The following UGGT2 variants were observed in gnomAD, a reference collection of about 807,000 sequenced individuals.
UGGT2 encodes the protein UDP-glucose:glycoprotein glucosyltransferase 2.
UGGT2 carries 180 observed loss-of-function variants against 192.1 expected under a neutral mutation model. That is an observed-to-expected ratio of 0.94 (90% CI 0.83 to 1.06). UGGT2 has a LOEUF of 1.06. Ranked by LOEUF, UGGT2 falls within the 50% of genes least tolerant of loss-of-function variation. UGGT2 has a pLI of 0.00. For synonymous variants in UGGT2, 580 were observed against 591.0 expected (o/e 0.98, Z 0.27); for missense variants, 1,849 against 1,795.7 (o/e 1.03, Z -0.54).
intron 15 of UGGT2, among the ~76,000 whole-genome samples, chr13:95,945,582 C>A (rs2049838150): frequency 6.6e-6 from 1 of 151,998 alleles, no homozygotes; most frequent in Admixed American, 6.6e-5. Context: ...AACAGAGATT[C>A]AATATTGATA....
intron 1 of UGGT2, among the ~76,000 whole-genome samples, chr13:96,045,536 A>G (rs1594637959): frequency 6.6e-6 from 1 of 152,222 alleles, no homozygotes; most frequent in East Asian, 1.9e-4. Flanking sequence ...AGTAAAGAGG[A>G]AGTCAAACTG....
intron 34 of UGGT2, among the ~76,000 whole-genome samples, chr13:95,855,713 G>A (rs1251700090): frequency 6.6e-6 from 1 of 152,090 alleles, no homozygotes; most frequent in Non-Finnish European, 1.5e-5. Flanking sequence ...AAGAGATAGA[G>A]TGATGAGAAT....
intron 10 of UGGT2, chr13:95,983,525 A>G (rs1174499069): frequency 4.0e-6 from 2 of 503,656 alleles, no homozygotes; most frequent in Admixed American, 2.4e-5. Flanking sequence ...AAACAGAATA[A>G]TTAACTCACA....
At chr13:95,917,049 C>T (rs1257512606) in intron 20 of UGGT2, among the ~76,000 whole-genome samples, 1 of 151,920 alleles carries the variant, frequency 6.6e-6, no homozygotes, top group Non-Finnish European at 1.5e-5. Flanking sequence ...TGTGGAGAAC[C>T]CCAGTAAGAT....
intron 1 of UGGT2, among the ~76,000 whole-genome samples, chr13:96,042,927 C>T (rs866354905): frequency 2.5e-4 from 38 of 152,046 alleles, no homozygotes; most frequent in African/African-American, 9.2e-4. Context: ...TCTAAAAGTT[C>T]GGAAAACATA....
chr13:95,900,467 G>A (rs535753265), intron 22 of UGGT2, among the ~76,000 whole-genome samples: 1 of 152,226 alleles, frequency 6.6e-6, no homozygotes, highest in East Asian at 1.9e-4. Context: ...TAACCTACTT[G>A]CTACACCTAC....
At chr13:95,862,223 A>G (rs1472675627) in intron 31 of UGGT2, among the ~76,000 whole-genome samples, 2 of 152,208 alleles carry the variant, frequency 1.3e-5, no homozygotes, top group Non-Finnish European at 2.9e-5. Context: ...ATAGAAAAAG[A>G]GGCTTAAACT....
At chr13:95,866,636 T>C (rs1890684376) in intron 30 of UGGT2, among the ~76,000 whole-genome samples, 3 of 152,186 alleles carry the variant, frequency 2.0e-5, no homozygotes, top group Admixed American at 2.0e-4. Context: ...AGCTAGTTTA[T>C]TGTAGAGGGT....
chr13:95,955,344 A>C (rs2050182017), intron 12 of UGGT2, among the ~76,000 whole-genome samples: 1 of 152,174 alleles, frequency 6.6e-6, no homozygotes, highest in African/African-American at 2.4e-5. Flanking sequence ...GTTTCCAGAA[A>C]AGTTGCAATA....
intron 2 of UGGT2, among the ~76,000 whole-genome samples, chr13:96,026,829 G>A (rs371956092): frequency 3.3e-5 from 5 of 151,792 alleles, no homozygotes; most frequent in African/African-American, 9.7e-5. Context: ...CCTCCACCGC[G>A]CCCGGCTAAT....
In UGGT2 at chr13:95,990,199, A is replaced by G. The variant is rs2051413879; in HGVS notation, c.831-126T>C. ...AAATGAATCATTCATCATTAAGATA[A>G]TCATAAATTGTGATACAGCTATATT... On this transcript the variant is annotated intron_variant, in intron 7 of 38. Transcript: ENST00000376747. 1.6e-5 allele frequency: 8 copies of G among 514,950 alleles called. No individual in the cohort carries two copies. In the East Asian group the frequency reaches 2.6e-4, roughly 17 times the overall value. 31.9% of individuals were successfully genotyped at this position (514,950 alleles called of 1,614,324 possible). A position where few individuals can be genotyped will look rare whatever the true frequency, so the allele number is the denominator to read the frequency against.
chr13:95,931,979 A>G (rs7328703), intron 17 of UGGT2, among the ~76,000 whole-genome samples: 55,559 of 152,070 alleles, frequency 0.37, 10,473 homozygotes, highest in Middle Eastern at 0.42. Context: ...CCACCAGCAC[A>G]TTGTCACCTC....
At chr13:95,887,387 G>T (rs985310746) in intron 26 of UGGT2, 3 of 467,894 alleles carry the variant, frequency 6.4e-6, no homozygotes, top group African/African-American at 3.9e-5. Context: ...GTATATTTTT[G>T]TCCCCTCTTG....
At chr13:95,938,710 C>T (rs146707122) in intron 16 of UGGT2, among the ~76,000 whole-genome samples, 205 of 152,244 alleles carry the variant, frequency 1.3e-3, no homozygotes, top group Non-Finnish European at 2.5e-3. Flanking sequence ...TTGGCAATGG[C>T]ATCAACACTA....
At chr13:95,827,139 G>A (rs1886129922) in intron 38 of UGGT2, among the ~76,000 whole-genome samples, 1 of 152,040 alleles carries the variant, frequency 6.6e-6, no homozygotes, top group Non-Finnish European at 1.5e-5. Context: ...AAAAAAACAG[G>A]CAAATGACAA....
At chr13:95,904,454 C>A (rs1272261760) in intron 20 of UGGT2, among the ~76,000 whole-genome samples, 27 of 130,512 alleles carry the variant, frequency 2.1e-4, no homozygotes, top group Non-Finnish European at 3.4e-4. Flanking sequence ...CTCCCCCCCA[C>A]CCCACAACAG....
chr13:95,927,750 G>C (rs1367429566), intron 17 of UGGT2, among the ~76,000 whole-genome samples: 1 of 152,086 alleles, frequency 6.6e-6, no homozygotes, highest in Non-Finnish European at 1.5e-5. Context: ...ATAGTGGAGG[G>C]AAGGTCAGCA....
At chr13:95,865,381 A>AT (rs1419064225) in intron 30 of UGGT2, among the ~76,000 whole-genome samples, 1 of 152,214 alleles carries the variant, frequency 6.6e-6, no homozygotes, top group East Asian at 1.9e-4. Context: ...ATGGTGGCTC[A>AT]TGCCTGTAAT....
At chr13:96,034,893 G>A (rs1167152750) in intron 1 of UGGT2, among the ~76,000 whole-genome samples, 2 of 152,218 alleles carry the variant, frequency 1.3e-5, no homozygotes, top group Non-Finnish European at 2.9e-5. Flanking sequence ...GTGGGATCCA[G>A]GCCAGTAACA....
Sources: allele counts gnomAD v4.1 joint callset (sites outside exome capture counted in the v4.1 genomes callset), GRCh38; gene constraint gnomAD v4.1.1; transcripts MANE v1.5; gene names NCBI Gene and HGNC (gene_info 2026-07-23, HGNC 2026-07-21).